DOCK3: variants seen among roughly 807,000 people sequenced by gnomAD.
DOCK3 encodes dedicator of cytokinesis 3, also known as dedicator of cytokinesis protein 3.
DOCK3 carries 60 observed loss-of-function variants against 265.6 expected under a neutral mutation model. That is an observed-to-expected ratio of 0.23 (90% CI 0.18 to 0.28). DOCK3 has a LOEUF of 0.28. Among genes scored for constraint, DOCK3 ranks in the 10% least tolerant of loss-of-function variants. DOCK3 has a pLI of 1.00. For missense variants in DOCK3, 1,981 were observed against 2,594.3 expected, an observed-to-expected ratio of 0.76 and a Z score of 5.14; for synonymous variants, 881 against 938.0, an observed-to-expected ratio of 0.94 and a Z score of 1.11.
chr3:50,778,778 G>A lies in DOCK3; in HGVS notation c.121+20G>A. On this transcript the variant is annotated intron_variant, in intron 2 of 52. Coordinates refer to ENST00000266037, the MANE Select transcript of DOCK3 (RefSeq NM_004947.5). ...GTGAAGGTGAGTATGGACCTACAAA[G>A]CACATAAATTGTGATCATTTTTGGC... 2.6e-6 allele frequency: 4 copies of A among 1,520,864 alleles called. No individual in the cohort carries two copies. The highest frequency in any genetic ancestry group is 1.2e-5 in the South Asian group (1 of 82,328). 94.2% of individuals were successfully genotyped at this position (1,520,864 alleles called of 1,614,324 possible). A position where few individuals can be genotyped will look rare whatever the true frequency, so the allele number is the denominator to read the frequency against.
At chr3:51,105,912 G>A (rs909634596) in intron 9 of DOCK3, among the ~76,000 whole-genome samples, 2 of 152,182 alleles carry the variant, frequency 1.3e-5, no homozygotes, top group Non-Finnish European at 2.9e-5. Context: ...AACAGACAAG[G>A]AACAATCTGC....
At chr3:50,873,090 T>A (rs1385800433) in intron 3 of DOCK3, among the ~76,000 whole-genome samples, 1 of 152,150 alleles carries the variant, frequency 6.6e-6, no homozygotes, top group Admixed American at 6.5e-5. Context: ...CCCCTCCACT[T>A]GTCTCAGGCA....
chr3:50,790,912 T>G (rs989042351), intron 2 of DOCK3, among the ~76,000 whole-genome samples: 1 of 151,924 alleles, frequency 6.6e-6, no homozygotes, highest in Non-Finnish European at 1.5e-5. Context: ...CATGAATGTC[T>G]TTTTTTGAGA....
intron 5 of DOCK3, among the ~76,000 whole-genome samples, chr3:50,997,181 A>G (rs1362798729): frequency 6.6e-6 from 1 of 152,216 alleles, no homozygotes; most frequent in East Asian, 1.9e-4. Context: ...AGTGCACCCT[A>G]TACGTACAAA....
chr3:51,315,174 T>C, intron 32 of DOCK3, 46 bp downstream of exon 32: 1 of 1,525,932 alleles, frequency 6.6e-7, no homozygotes, highest in Non-Finnish European at 8.9e-7. Flanking sequence ...AATGGATCCC[T>C]TCTGCTTAGG....
At chr3:50,830,428 A>G (rs1440567199) in intron 2 of DOCK3, among the ~76,000 whole-genome samples, 3 of 152,246 alleles carry the variant, frequency 2.0e-5, no homozygotes, top group Non-Finnish European at 4.4e-5. Flanking sequence ...GGTATTGGGT[A>G]TAAATAAATT....
intron 38 of DOCK3, among the ~76,000 whole-genome samples, chr3:51,342,404 A>G (rs572778313): frequency 2.0e-4 from 30 of 152,324 alleles, no homozygotes; most frequent in South Asian, 1.9e-3. Flanking sequence ...CAACTGATCC[A>G]CAATGCTGAC....
chr3:51,375,900 C>G, intron 51 of DOCK3, 65 bp downstream of exon 51: 1 of 1,561,364 alleles, frequency 6.4e-7, no homozygotes, highest in Non-Finnish European at 8.8e-7. Flanking sequence ...ACTCTTGTCC[C>G]TGAGTACCAG....
At chr3:50,869,339 G>T (rs370692097) in intron 3 of DOCK3, among the ~76,000 whole-genome samples, 88,959 of 96,774 alleles carry the variant, frequency 0.92, 40,572 homozygotes, top group South Asian at 0.94. Flanking sequence ...ATTTCTGCTG[G>T]GAATTTTTTT....
chr3:50,678,644 A>T (rs929234782), intron 1 of DOCK3, among the ~76,000 whole-genome samples: 1 of 146,732 alleles, frequency 6.8e-6, no homozygotes, highest in Admixed American at 6.8e-5. Context: ...TCATTAGGCA[A>T]TTTTTTTTTT....
At chr3:50,959,948 G>C (rs767864061) in intron 5 of DOCK3, among the ~76,000 whole-genome samples, 2 of 152,056 alleles carry the variant, frequency 1.3e-5, no homozygotes, top group Non-Finnish European at 2.9e-5. Context: ...TCTGTGTCTG[G>C]CTTATTTTAG....
At chr3:51,194,335 C>T (rs1454182928) in intron 12 of DOCK3, among the ~76,000 whole-genome samples, 1 of 152,056 alleles carries the variant, frequency 6.6e-6, no homozygotes, top group Non-Finnish European at 1.5e-5. Context: ...TTGGTCTATA[C>T]TGGAGAATGT....
intron 9 of DOCK3, among the ~76,000 whole-genome samples, chr3:51,132,083 A>T (rs1345368701): frequency 6.6e-6 from 1 of 152,142 alleles, no homozygotes; most frequent in African/African-American, 2.4e-5. Context: ...ACCAAGGGAG[A>T]TCAGGCATTT....
At position 50,971,623 on chromosome 3, in the gene DOCK3, T is replaced by G. The variant is rs540948925; in HGVS notation, c.315+37546T>G. Among the ~76,000 whole-genome samples the G allele has an allele frequency of 2.6e-5, 4 of 152,340 alleles. No homozygotes were observed. In the South Asian group the frequency reaches 8.3e-4, roughly 32 times the overall value. On this transcript the variant is annotated intron_variant, in intron 5 of 52. Coordinates refer to ENST00000266037, the MANE Select transcript of DOCK3 (RefSeq NM_004947.5). ...ATATTGGGTTTTGCAGTTCAACCTGTAGGCCAGTAGGTGGCGCTTACAGGT... is the reference window on the plus strand; with the variant it reads ...ATATTGGGTTTTGCAGTTCAACCTGGAGGCCAGTAGGTGGCGCTTACAGGT...
chr3:51,018,195 A>G (rs1369162390), intron 5 of DOCK3, among the ~76,000 whole-genome samples: 1 of 151,748 alleles, frequency 6.6e-6, no homozygotes, highest in Non-Finnish European at 1.5e-5. Context: ...GGTTTTCTGT[A>G]TCTTTTTATC....
chr3:51,253,690 TC>T, intron 22 of DOCK3, among the ~76,000 whole-genome samples: 1 of 152,290 alleles, frequency 6.6e-6, no homozygotes, highest in Non-Finnish European at 1.5e-5. Context: ...AGTCTGTAGT[TC>T]GTGGGATCGA....
intron 5 of DOCK3, among the ~76,000 whole-genome samples, chr3:50,990,680 A>C (rs1279235070): frequency 6.6e-6 from 1 of 152,190 alleles, no homozygotes; most frequent in Non-Finnish European, 1.5e-5. Context: ...GCTGAGGAGC[A>C]AGGAAGCCAG....
chr3:50,868,634 A>G (rs1264399414), intron 3 of DOCK3, among the ~76,000 whole-genome samples: 1 of 152,104 alleles, frequency 6.6e-6, no homozygotes, highest in Non-Finnish European at 1.5e-5. Context: ...TCAGCTTCCC[A>G]AAGTGCTGAG....
At chr3:50,821,047 C>T (rs2044383463) in intron 2 of DOCK3, among the ~76,000 whole-genome samples, 1 of 151,036 alleles carries the variant, frequency 6.6e-6, no homozygotes, top group Non-Finnish European at 1.5e-5. Context: ...GGATATTAGT[C>T]CTTTGTCAGA....
Sources: gnomAD v4.1 joint callset for allele counts (sites outside exome capture counted in the v4.1 genomes callset) on GRCh38, gnomAD v4.1.1 for gene constraint, MANE v1.5 for transcripts, NCBI Gene and HGNC (gene_info 2026-07-23, HGNC 2026-07-21) for gene names.